The following BNC2 variants were observed in gnomAD, a reference collection of about 807,000 sequenced individuals.
BNC2 encodes basonuclin zinc finger protein 2.
A neutral mutation model predicts 76.3 loss-of-function variants in BNC2; 20 were observed. The observed-to-expected ratio is 0.26, with a 90% CI of 0.18 to 0.38. The LOEUF (loss-of-function observed/expected upper bound fraction) is 0.38, where lower values mean the gene tolerates loss of function less well. BNC2 is among the 10% of genes least tolerant of loss of function. BNC2 has a pLI of 1.00. For synonymous variants in BNC2, 582 were observed against 514.8 expected, an observed-to-expected ratio of 1.13 and a Z score of -1.77; for missense variants, 1,382 against 1,399.8, an observed-to-expected ratio of 0.99 and a Z score of 0.20.
intron 6 of BNC2, among the ~76,000 whole-genome samples, chr9:16,426,071 T>G (rs1214238790): frequency 6.6e-6 from 1 of 152,224 alleles, no homozygotes; most frequent in Non-Finnish European, 1.5e-5. Flanking sequence ...GGAAGTGTTC[T>G]CAATCAAGCA....
intron 4 of BNC2, among the ~76,000 whole-genome samples, chr9:16,582,646 G>A (rs1299409097): frequency 6.6e-6 from 1 of 152,132 alleles, no homozygotes; most frequent in Non-Finnish European, 1.5e-5. Flanking sequence ...TGAGGTCCAG[G>A]CCCTGAAAGG....
chr9:16,498,921 ATAG>A (rs1822458135), intron 5 of BNC2, among the ~76,000 whole-genome samples: 1 of 152,176 alleles, frequency 6.6e-6, no homozygotes, highest in African/African-American at 2.4e-5. Flanking sequence ...TGGATATCAA[ATAG>A]TAGAATAATG....
chr9:16,716,161 T>G (rs181067792), intron 3 of BNC2, among the ~76,000 whole-genome samples: 1 of 152,314 alleles, frequency 6.6e-6, no homozygotes, highest in African/African-American at 2.4e-5. Context: ...ACTTCCACAC[T>G]TCCTTTCTAG....
At chr9:16,584,283 G>A (rs1587200625) in intron 3 of BNC2, among the ~76,000 whole-genome samples, 1 of 152,254 alleles carries the variant, frequency 6.6e-6, no homozygotes, top group East Asian at 1.9e-4. Context: ...CATATTTCTG[G>A]AACCATTAGG....
chr9:16,559,159 G>C (rs1186019502), intron 4 of BNC2, among the ~76,000 whole-genome samples: 1 of 152,136 alleles, frequency 6.6e-6, no homozygotes, highest in South Asian at 2.1e-4. Flanking sequence ...AACCCTTTAA[G>C]TATCAACTAT....
Position 16,593,731 on chromosome 9 carries a change from G to A in BNC2, c.331-10646C>T, listed in dbSNP as rs183096941. ...CTTACAAATTTTACAGGCTACTTAGGCAGCTGTAATAACATAAATAGAAAG... is the reference window on the plus strand; with the variant it reads ...CTTACAAATTTTACAGGCTACTTAGACAGCTGTAATAACATAAATAGAAAG... On this transcript the variant is annotated intron_variant, in intron 3 of 6. Transcript: ENST00000380672. 1.9e-4 allele frequency among the ~76,000 whole-genome samples: 29 copies of A among 151,862 alleles called. 1 individual carries two copies. In the East Asian group the frequency reaches 3.3e-3, roughly 17 times the overall value.
intron 1 of BNC2, among the ~76,000 whole-genome samples, chr9:16,858,871 G>C (rs1819328185): frequency 6.6e-6 from 1 of 151,316 alleles, no homozygotes; most frequent in African/African-American, 2.4e-5. Context: ...AAAGAAAAAA[G>C]AAACTTCTGT....
At chr9:16,470,345 G>T (rs1002029073) in intron 5 of BNC2, among the ~76,000 whole-genome samples, 1 of 152,152 alleles carries the variant, frequency 6.6e-6, no homozygotes, top group African/African-American at 2.4e-5. Context: ...TAAAAAATTT[G>T]CAGGCTGACT....
At chr9:16,836,982 G>A (rs1818722042) in intron 1 of BNC2, among the ~76,000 whole-genome samples, 1 of 151,828 alleles carries the variant, frequency 6.6e-6, no homozygotes, top group African/African-American at 2.4e-5. Flanking sequence ...CAATATTTTG[G>A]CTCTGCCAAA....
At chr9:16,703,674 G>A (rs575593932) in intron 3 of BNC2, among the ~76,000 whole-genome samples, 5 of 151,952 alleles carry the variant, frequency 3.3e-5, no homozygotes, top group Admixed American at 1.3e-4. Flanking sequence ...TAAACTCAGG[G>A]GTCTATCTTG....
rs1352566046 is a variant in BNC2 at position 16,496,202 on chromosome 9, C to T, written c.669+56328G>A. ...GGGATTACAAGCGTGAGCCACTGCA[C>T]CCAGCCCTTTAGAATGTTTCATTAA... is the stretch of plus-strand genomic sequence containing the variant. On this transcript the variant is annotated intron_variant, in intron 5 of 6. Coordinates refer to ENST00000380672, the MANE Select transcript of BNC2 (RefSeq NM_017637.6). 2.6e-5 allele frequency among the ~76,000 whole-genome samples: 4 copies of T among 152,078 alleles called. No homozygotes were observed. The South Asian group carries it at 6.2e-4, about 24-fold the overall frequency.
At chr9:16,581,017 A>G in intron 4 of BNC2, among the ~76,000 whole-genome samples, 1 of 152,114 alleles carries the variant, frequency 6.6e-6, no homozygotes, top group Non-Finnish European at 1.5e-5. Context: ...TGAGTTTAGG[A>G]TATAAGCTCT....
chr9:16,797,830 T>C (rs1269194527), intron 1 of BNC2, among the ~76,000 whole-genome samples: 6 of 152,144 alleles, frequency 3.9e-5, no homozygotes, highest in Admixed American at 3.3e-4. Context: ...TGAAAATTTA[T>C]GCCATGTCCT....
At chr9:16,485,891 C>A (rs899569376) in intron 5 of BNC2, among the ~76,000 whole-genome samples, 1 of 152,158 alleles carries the variant, frequency 6.6e-6, no homozygotes, top group East Asian at 1.9e-4. Context: ...CCCAAGGGTA[C>A]AAATTTATGT....
Position 16,418,664 on chromosome 9 carries a change from CTGTGTGTGTGTGTG to C in BNC2, c.*311_*324del, listed in dbSNP as rs139823578. On this transcript the variant is annotated 3_prime_UTR_variant, in exon 7 of 7. Transcript: ENST00000380672. ...TGTCAAAACTGGGGCTAGTTGCACACTGTGTGTGTGTGTGTGTGTGTGTGTGTATGTGCATGTGT... is the reference window on the plus strand; with the variant it reads ...TGTCAAAACTGGGGCTAGTTGCACACTGTGTGTGTGTGTATGTGCATGTGT... The C allele has an allele frequency of 1.4e-5, 3 of 214,744 alleles. No homozygotes were observed. The highest frequency in any genetic ancestry group is 2.7e-5 in the Non-Finnish European group (3 of 113,118). 13.3% of individuals were successfully genotyped at this position (214,744 alleles called of 1,614,324 possible). A position where few individuals can be genotyped will look rare whatever the true frequency, so the allele number is the denominator to read the frequency against.
intron 4 of BNC2, among the ~76,000 whole-genome samples, chr9:16,561,661 G>A (rs1285490247): frequency 1.3e-5 from 2 of 151,964 alleles, no homozygotes; most frequent in South Asian, 2.1e-4. Flanking sequence ...ACTAGCCCAG[G>A]GTGTAAAACT....
At chr9:16,512,411 C>T (rs1017312021) in intron 5 of BNC2, among the ~76,000 whole-genome samples, 6 of 152,072 alleles carry the variant, frequency 3.9e-5, no homozygotes, top group Non-Finnish European at 7.4e-5. Context: ...GTTTCTGCCT[C>T]CGTGGCATAA....
At chr9:16,444,110 G>A (rs1330584727) in intron 5 of BNC2, among the ~76,000 whole-genome samples, 3 of 152,142 alleles carry the variant, frequency 2.0e-5, no homozygotes, top group Non-Finnish European at 4.4e-5. Context: ...CCAAATCACA[G>A]GCACACATGC....
Position 16,665,386 on chromosome 9 carries a change from A to AAAAGAGAGAG in BNC2, c.330+62410_330+62411insCTCTCTCTTT, listed in dbSNP as rs1554702315. Among the ~76,000 whole-genome samples, 581 of 84,238 alleles carry AAAAGAGAGAG rather than the reference A, an allele frequency of 6.9e-3. 60 individuals are homozygous for AAAAGAGAGAG. The highest frequency in any genetic ancestry group is 0.049 in the South Asian group (88 of 1,794). 55.3% of individuals were successfully genotyped at this position (84,238 alleles called of 152,430 possible). Reference sequence around the variant, plus strand: ...CCTCTGTCTCAAAAAAAAAAAAAAAAAGAGAGAGAGAGAGAGAAAGAGAGA... The same window carrying AAAAGAGAGAG: ...CCTCTGTCTCAAAAAAAAAAAAAAAAAAAGAGAGAGAGAGAGAGAGAGAGAGAAAGAGAGA... On this transcript the variant is annotated intron_variant, in intron 3 of 6. Coordinates refer to ENST00000380672, the MANE Select transcript of BNC2 (RefSeq NM_017637.6).
Sources: gnomAD v4.1 joint callset for allele counts (sites outside exome capture counted in the v4.1 genomes callset) on GRCh38, gnomAD v4.1.1 for gene constraint, MANE v1.5 for transcripts, NCBI Gene and HGNC (gene_info 2026-07-23, HGNC 2026-07-21) for gene names.